The following MPDZ variants were observed in gnomAD, a reference collection of about 807,000 sequenced individuals.
The protein encoded by MPDZ is multiple PDZ domain protein.
A neutral mutation model predicts 239.1 loss-of-function variants in MPDZ; 234 were observed. The ratio of observed to expected loss-of-function variants is 0.98; its 90% CI spans 0.88 to 1.09. MPDZ has a LOEUF of 1.09. MPDZ is among the 50% of genes least tolerant of loss of function. The probability of loss-of-function intolerance (pLI) is 0.00; values close to 1 mark genes in which losing one functional copy is unlikely to be tolerated. For synonymous variants in MPDZ, 1,048 were observed against 881.3 expected, an observed-to-expected ratio of 1.19 and a Z score of -3.35; for missense variants, 3,175 against 2,510.0, an observed-to-expected ratio of 1.26 and a Z score of -5.66.
Position 13,121,724 on chromosome 9 carries a change from C to A in MPDZ, c.5231+15G>T, listed in dbSNP as rs769928561. The A allele has an allele frequency of 2.5e-5, 40 of 1,613,426 alleles. No homozygotes were observed. Among genetic ancestry groups the A allele is most frequent in the Non-Finnish European group, 3.3e-5 (39 of 1,179,584 alleles). Reference sequence around the variant, plus strand: ...ATTTCCAAGGGAGCATTGGGTTTGTCCTCCTCAATCACACCTTTTACCAAC... The same window carrying A: ...ATTTCCAAGGGAGCATTGGGTTTGTACTCCTCAATCACACCTTTTACCAAC... On this transcript the variant is annotated intron_variant, in intron 38 of 46. Transcript: ENST00000319217.
At chr9:13,279,250 T>TACCCCCACCCCCGCCCCC (rs1564192161) in intron 1 of MPDZ, 150 bp downstream of exon 1, 1 of 45,844 alleles carries the variant, frequency 2.2e-5, no homozygotes, top group African/African-American at 6.5e-5. Context: ...CCGCCACCCC[T>TACCCCCACCCCCGCCCCC]ACCCCCACCC....
chr9:13,118,173 A>T (rs1943784958), intron 39 of MPDZ, among the ~76,000 whole-genome samples: 1 of 152,168 alleles, frequency 6.6e-6, no homozygotes, highest in South Asian at 2.1e-4. Flanking sequence ...CTGGTTTAAA[A>T]ATTATTTACA....
intron 30 of MPDZ, 38 bp from the exon 31 acceptor site, chr9:13,136,220 G>A (rs746184852): frequency 7.2e-7 from 1 of 1,388,384 alleles, no homozygotes. Context: ...ATAACATCAT[G>A]GTATTATTTT....
intron 32 of MPDZ, among the ~76,000 whole-genome samples, chr9:13,127,615 C>T (rs558212918): frequency 6.6e-6 from 1 of 152,298 alleles, no homozygotes; most frequent in African/African-American, 2.4e-5. Context: ...GTTAAATGTG[C>T]CATCAGAGAT....
intron 3 of MPDZ, among the ~76,000 whole-genome samples, chr9:13,239,409 T>C (rs1044273556): frequency 7.9e-5 from 12 of 152,194 alleles, no homozygotes; most frequent in African/African-American, 2.9e-4. Context: ...TTACCGACTT[T>C]ATAGTATTGT....
rs545147875 is a variant in MPDZ, at chr9:13,224,471, T to C, written c.296A>G (p.Asn99Ser). 76 of 1,612,900 alleles carry C rather than the reference T, an allele frequency of 4.7e-5. No homozygotes were observed. In the South Asian group the frequency reaches 6.8e-4, roughly 14 times the overall value. Residue 99 changes from asparagine to serine, a missense_variant, in exon 4 of 47, where the codon AAT becomes AGT. Coordinates refer to ENST00000319217, the MANE Select transcript of MPDZ (RefSeq NM_001378778.1). ...QNESFLLSPNNGNLEALTGPG... is the reference protein window; with the variant it reads ...QNESFLLSPNSGNLEALTGPG... The stretch of plus-strand genomic sequence containing the variant: ...TCCTGTAAGTGCTTCCAGATTCCCA[T>C]TGTTTGGGGATAATAAAAACGATTC...
intron 12 of MPDZ, among the ~76,000 whole-genome samples, chr9:13,199,361 C>A (rs571295410): frequency 6.6e-6 from 1 of 152,020 alleles, no homozygotes; most frequent in East Asian, 1.9e-4. Context: ...ATGTATCCTG[C>A]AACTTTACTA....
intron 18 of MPDZ, among the ~76,000 whole-genome samples, chr9:13,186,026 A>T (rs1457484958): frequency 1.3e-5 from 2 of 152,174 alleles, no homozygotes; most frequent in African/African-American, 4.8e-5. Context: ...ATATGGCACA[A>T]AGATTAATTC....
At chr9:13,138,411 ACAC>A (rs1947161260) in intron 28 of MPDZ, among the ~76,000 whole-genome samples, 1 of 152,198 alleles carries the variant, frequency 6.6e-6, no homozygotes, top group South Asian at 2.1e-4. Context: ...TGGAGTGGTT[ACAC>A]CAAAGAGAAG....
chr9:13,183,694 G>C, intron 18 of MPDZ, 109 bp from the exon 19 acceptor site: 1 of 1,064,650 alleles, frequency 9.4e-7, no homozygotes, highest in Non-Finnish European at 1.4e-6. Flanking sequence ...TTTATCTATT[G>C]TATTTTCTAT....
At chr9:13,247,544 A>C in intron 3 of MPDZ, 91 bp downstream of exon 3, 1 of 1,388,840 alleles carries the variant, frequency 7.2e-7, no homozygotes. Flanking sequence ...ATTCATTAAC[A>C]CATAGAAAAA....
In MPDZ at chr9:13,190,119, A is replaced by C. The variant is rs145353057; in HGVS notation, c.2149T>G (p.Tyr717Asp). Reference sequence around the variant, plus strand: ...TAAAAGTAGTATATACTTACCTGATAATCTAAAATGCTAAAACCAAGTCCT... The same window carrying C: ...TAAAAGTAGTATATACTTACCTGATCATCTAAAATGCTAAAACCAAGTCCT... The part of the protein sequence containing the change: ...SKGLGFSILD[Y>D]QDPIDPASTV... Residue 717 changes from tyrosine to aspartate, a missense_variant, in exon 16 of 47, where the codon TAT (tyrosine) becomes GAT (aspartate). Transcript: ENST00000319217. 3 of 1,611,602 alleles carry C rather than the reference A, an allele frequency of 1.9e-6. No homozygotes were observed. Among genetic ancestry groups the C allele is most frequent in the South Asian group, 2.2e-5 (2 of 90,754 alleles).
intron 23 of MPDZ, among the ~76,000 whole-genome samples, chr9:13,160,605 G>C (rs1284952343): frequency 1.3e-5 from 2 of 151,524 alleles, no homozygotes; most frequent in African/African-American, 4.8e-5. Context: ...GGAAGCACCA[G>C]GAAACTATAA....
At chr9:13,154,458 A>T in intron 24 of MPDZ, among the ~76,000 whole-genome samples, 1 of 152,178 alleles carries the variant, frequency 6.6e-6, no homozygotes, top group East Asian at 1.9e-4. Flanking sequence ...TCTGGGTTCC[A>T]GTCCTGCTCT....
At chr9:13,127,217 C>CA (rs1473338038) in intron 32 of MPDZ, among the ~76,000 whole-genome samples, 1 of 152,134 alleles carries the variant, frequency 6.6e-6, no homozygotes, top group Non-Finnish European at 1.5e-5. Flanking sequence ...CCTCTTCTTC[C>CA]TTTAGCAGGC....
rs369565620 is a variant in MPDZ, at chr9:13,260,210, T to C, written c.-57-9838A>G. ...ATCTTTAGAAAGATCACTCTGGCAA[T>C]GGTATGGAGGACATACAAAAATCAA... On this transcript the variant is annotated intron_variant, in intron 1 of 46. Coordinates refer to ENST00000319217, the MANE Select transcript of MPDZ (RefSeq NM_001378778.1). Among the ~76,000 whole-genome samples the C allele has an allele frequency of 9.9e-5, 15 of 151,960 alleles. 1 individual carries two copies. The highest frequency in any genetic ancestry group is 7.2e-4 in the Admixed American group (11 of 15,262).
intron 24 of MPDZ, among the ~76,000 whole-genome samples, chr9:13,152,602 C>A (rs1036745688): frequency 6.6e-6 from 1 of 151,926 alleles, no homozygotes; most frequent in Non-Finnish European, 1.5e-5. Context: ...TTGTAAATTC[C>A]CCAGTCTCGG....
chr9:13,141,649 C>G (rs899665703), intron 27 of MPDZ, among the ~76,000 whole-genome samples: 1 of 151,930 alleles, frequency 6.6e-6, no homozygotes, highest in Non-Finnish European at 1.5e-5. Flanking sequence ...ATGATAAACA[C>G]GCACAAATAC....
chr9:13,221,518 A>G lies in MPDZ; in HGVS notation c.748-18T>C. 1 of 1,602,454 alleles carries G rather than the reference A, an allele frequency of 6.2e-7. No homozygotes were observed. The highest frequency in any genetic ancestry group is 8.5e-7 in the Non-Finnish European group (1 of 1,174,338). On this transcript the variant is annotated intron_variant, in intron 6 of 46. Transcript: ENST00000319217. ...CAGTGAACCTACAAACAAAGCTCAT[A>G]TATGAATTTGTAGAAATTTACAAAG...
Sources: allele counts gnomAD v4.1 joint callset (sites outside exome capture counted in the v4.1 genomes callset), GRCh38; gene constraint gnomAD v4.1.1; transcripts MANE v1.5; gene names NCBI Gene and HGNC (gene_info 2026-07-23, HGNC 2026-07-21).